Variants in SLC6A7 observed in about 807,000 individuals in gnomAD.
The protein encoded by SLC6A7 is solute carrier family 6 member 7.
In SLC6A7, 58 loss-of-function variants were observed where a neutral mutation model predicts 73.1. The observed-to-expected ratio is 0.79, with a 90% CI of 0.64 to 0.99. The LOEUF (loss-of-function observed/expected upper bound fraction) is 0.99. Ranked by LOEUF, SLC6A7 falls within the 50% of genes least tolerant of loss-of-function variation. SLC6A7 has a pLI of 0.00. For synonymous variants in SLC6A7, 338 were observed against 338.7 expected (o/e 1.00, Z 0.02); for missense variants, 783 against 831.4 (o/e 0.94, Z 0.72).
In SLC6A7 at chr5:150,203,777, C is replaced by A; in HGVS notation, c.1198C>A (p.Gln400Lys). Reference protein sequence around the residue: ...FMLLTLGLDSQFAFLETIVTA... With the variant: ...FMLLTLGLDSKFAFLETIVTA... ...GCTTCTGACTCTCGGCCTAGATAGC[C>A]AGGTGAGTCTCGTCTGTGGCAGCAG... The change falls in exon 9 of 14, where the codon CAG becomes AAG. Residue 400 changes from glutamine (Q) to lysine (K), a missense_variant and splice_region_variant. Gln to Lys is a moderately conservative substitution (Grantham distance 53). Coordinates refer to ENST00000230671, the MANE Select transcript of SLC6A7 (RefSeq NM_014228.5). 1 of 1,573,348 alleles carries A rather than the reference C, an allele frequency of 6.4e-7. No individual in the cohort carries two copies. The highest frequency in any genetic ancestry group is 8.7e-7 in the Non-Finnish European group (1 of 1,144,646).
At chr5:150,195,011 G>A (rs987138413) in intron 2 of SLC6A7, 100 bp downstream of exon 2, 11 of 1,021,680 alleles carry the variant, frequency 1.1e-5, no homozygotes, top group African/African-American at 3.2e-5. Context: ...TCTCCTAGGC[G>A]ACCTTGGGCA....
intron 5 of SLC6A7, among the ~76,000 whole-genome samples, chr5:150,199,976 T>C (rs758530760): frequency 1.3e-5 from 2 of 152,216 alleles, no homozygotes; most frequent in South Asian, 4.1e-4. Flanking sequence ...TGAGCAGGGC[T>C]GTGCACCCAT....
rs991743934 is a variant in SLC6A7, at chr5:150,203,981, G to A, written c.1275G>A (p.Val425=). ...ACTACCTGCGGCCCAAGAAGGCGGT[G>A]TTCTCAGGGCTCATCTGCGTGGCCA... ...FPYYLRPKKA[V]FSGLICVAMY... The change falls in exon 10 of 14, where the codon GTG becomes GTA. Residue 425 remains valine, a synonymous_variant. Transcript: ENST00000230671. 1 of 1,613,890 alleles carries A rather than the reference G, an allele frequency of 6.2e-7. No individual in the cohort carries two copies. The highest frequency in any genetic ancestry group is 8.5e-7 in the Non-Finnish European group (1 of 1,179,892).
chr5:150,193,740 C>T (rs1184731153), intron 1 of SLC6A7, among the ~76,000 whole-genome samples: 1 of 152,204 alleles, frequency 6.6e-6, no homozygotes, highest in Non-Finnish European at 1.5e-5. Flanking sequence ...CCTGAACACC[C>T]TCCAGCCTGG....
At chr5:150,200,099 G>A (rs1433193599) in intron 5 of SLC6A7, among the ~76,000 whole-genome samples, 1 of 152,138 alleles carries the variant, frequency 6.6e-6, no homozygotes, top group African/African-American at 2.4e-5. Context: ...GGGAAAGTCA[G>A]GTACTGTTAT....
At chr5:150,199,135 C>A in intron 4 of SLC6A7, 93 bp from the exon 5 acceptor site, 2 of 1,457,136 alleles carry the variant, frequency 1.4e-6, no homozygotes, top group Non-Finnish European at 1.8e-6. Context: ...TGGAGAACAG[C>A]AGTAGAGCCT....
intron 6 of SLC6A7, 78 bp downstream of exon 6, chr5:150,201,301 C>T (rs553602038): frequency 5.3e-6 from 6 of 1,128,990 alleles, no homozygotes; most frequent in East Asian, 2.7e-5. Context: ...CCTGGGACAC[C>T]GCAGTACCAG....
chr5:150,197,098 A>G lies in SLC6A7; in HGVS notation c.406A>G (p.Ile136Val). Residue 136 changes from isoleucine to valine, a missense_variant, in exon 4 of 14, where the codon ATC (isoleucine) becomes GTC (valine). Physicochemically the swap from Ile to Val is conservative, Grantham distance 29. Coordinates refer to ENST00000230671, the MANE Select transcript of SLC6A7 (RefSeq NM_014228.5). ...VGLVAIYYNM[I>V]IAYVLFYLFA... ...CTTGGTGGCCATCTACTACAACATG[A>G]TCATCGCCTACGTGCTCTTCTACCT... 1 of 1,614,086 alleles carries G rather than the reference A, an allele frequency of 6.2e-7. No homozygotes were observed. The highest frequency in any genetic ancestry group is 8.5e-7 in the Non-Finnish European group (1 of 1,180,006).
In SLC6A7 at chr5:150,190,272, G is replaced by C; in HGVS notation, c.-56G>C. 4 of 1,453,238 alleles carry C rather than the reference G, an allele frequency of 2.8e-6. No homozygotes were observed. Among genetic ancestry groups the C allele is most frequent in the South Asian group, 1.3e-5 (1 of 78,582 alleles). 90.0% of individuals were successfully genotyped at this position (1,453,238 alleles called of 1,614,324 possible). A position where few individuals can be genotyped will look rare whatever the true frequency, so the allele number is the denominator to read the frequency against. On this transcript the variant is annotated 5_prime_UTR_variant, in exon 1 of 14. Transcript: ENST00000230671. ...CGCAGTGGCCAGCGGACCATCTCTC[G>C]TGCCCTCGCTCTCTGCGCTCCGGGG...
At chr5:150,195,363 A>G (rs1305798858) in intron 2 of SLC6A7, among the ~76,000 whole-genome samples, 2 of 150,540 alleles carry the variant, frequency 1.3e-5, no homozygotes, top group Non-Finnish European at 2.9e-5. Context: ...CCTTCCATTC[A>G]GGCTGCAAAC....
At position 150,190,259 on chromosome 5, in the gene SLC6A7, C is replaced by A; in HGVS notation, c.-69C>A. The A allele has an allele frequency of 3.7e-6, 5 of 1,347,880 alleles. No homozygotes were observed. The highest frequency in any genetic ancestry group is 4.0e-6 in the Non-Finnish European group (4 of 992,408). The allele number at this position is 1,347,880 out of a possible 1,614,324, so 83.5% of individuals were successfully genotyped here. On this transcript the variant is annotated 5_prime_UTR_variant, in exon 1 of 14. Coordinates refer to ENST00000230671, the MANE Select transcript of SLC6A7 (RefSeq NM_014228.5). ...GCGGGGGCAAAGGCGCAGTGGCCAG[C>A]GGACCATCTCTCGTGCCCTCGCTCT...
intron 1 of SLC6A7, among the ~76,000 whole-genome samples, chr5:150,191,211 T>G (rs1752767179): frequency 6.6e-6 from 1 of 152,170 alleles, no homozygotes. Flanking sequence ...AGCCCTAGCC[T>G]GGAGGCACCA....
At chr5:150,198,115 G>GAAAGAAAGAAAGAGAA (rs1224170798) in intron 4 of SLC6A7, among the ~76,000 whole-genome samples, 1 of 77,534 alleles carries the variant, frequency 1.3e-5, no homozygotes, top group Non-Finnish European at 3.1e-5. Context: ...AAGAAAGAAA[G>GAAAGAAAGAAAGAGAA]AGAAAGAAAG....
At chr5:150,206,085 C>G (rs1172866277) in intron 13 of SLC6A7, among the ~76,000 whole-genome samples, 3 of 152,150 alleles carry the variant, frequency 2.0e-5, no homozygotes, top group Non-Finnish European at 4.4e-5. Flanking sequence ...TGGGGAGGGA[C>G]TCAGACAAAC....
At position 150,210,281 on chromosome 5, in the gene SLC6A7, G is replaced by C. The variant is rs1013478129; in HGVS notation, c.*666G>C. The C allele has an allele frequency of 6.4e-6, 1 of 156,742 alleles. No individual in the cohort carries two copies. The highest frequency in any genetic ancestry group is 1.4e-5 in the Non-Finnish European group (1 of 70,670). 9.7% of individuals were successfully genotyped at this position (156,742 alleles called of 1,614,324 possible). A position where few individuals can be genotyped will look rare whatever the true frequency, so the allele number is the denominator to read the frequency against. ...GGGTGGGGAGGAGCTCTGGGCCAGA[G>C]GATGCTGAGCTGCCTGGGCAGAGAC... On this transcript the variant is annotated 3_prime_UTR_variant, in exon 14 of 14. Transcript: ENST00000230671.
chr5:150,197,276 G>C lies in SLC6A7; in HGVS notation c.584G>C (p.Ser195Thr), dbSNP rs1753083609. The change falls in exon 4 of 14, where the codon AGC becomes ACC. Residue 195 changes from serine (S) to threonine (T), a missense_variant and splice_region_variant. Coordinates refer to ENST00000230671, the MANE Select transcript of SLC6A7 (RefSeq NM_014228.5). Reference sequence around the variant, plus strand: ...GTCAGCCCCAGCGAGGAGTACTGGAGGTCAGGCAGCTGCTGGCCCCGCGGC... The same window carrying C: ...GTCAGCCCCAGCGAGGAGTACTGGACGTCAGGCAGCTGCTGGCCCCGCGGC... ...CTVSPSEEYW[S>T]RYVLHIQGSQ... 1 of 1,594,970 alleles carries C rather than the reference G, an allele frequency of 6.3e-7. No homozygotes were observed. The highest frequency in any genetic ancestry group is 1.3e-5 in the African/African-American group (1 of 74,502).
chr5:150,208,000 C>T (rs892155505), intron 13 of SLC6A7, among the ~76,000 whole-genome samples: 8 of 151,760 alleles, frequency 5.3e-5, no homozygotes, highest in Admixed American at 1.3e-4. Flanking sequence ...TGCTGCTAAA[C>T]AACCTTCCAT....
intron 6 of SLC6A7, 82 bp downstream of exon 6, chr5:150,201,305 G>A: frequency 2.9e-6 from 3 of 1,032,350 alleles, no homozygotes; most frequent in Non-Finnish European, 4.2e-6. Context: ...GGACACCGCA[G>A]TACCAGGCAC....
Position 150,209,571 on chromosome 5 carries a change from G to A in SLC6A7, c.1867G>A (p.Glu623Lys), listed in dbSNP as rs184040183. 1.4e-5 allele frequency: 23 copies of A among 1,613,384 alleles called. No individual in the cohort carries two copies. The East Asian group carries it at 2.7e-4, about 19-fold the overall frequency. ...GITSFENTAI[E>K]VDREIAEEEE... ...CACCAGCTTCGAGAACACGGCCATC[G>A]AGGTGGACCGTGAGATTGCAGAGGA... The change falls in exon 14 of 14, where the codon GAG becomes AAG. Residue 623 changes from glutamate to lysine, a missense_variant. Physicochemically the swap from Glu to Lys is moderately conservative, Grantham distance 56. Transcript: ENST00000230671.
Sources: gnomAD v4.1 joint callset for allele counts (sites outside exome capture counted in the v4.1 genomes callset) on GRCh38, gnomAD v4.1.1 for gene constraint, MANE v1.5 for transcripts, NCBI Gene and HGNC (gene_info 2026-07-23, HGNC 2026-07-21) for gene names.